The following BRWD1 variants were observed in gnomAD, a reference collection of about 807,000 sequenced individuals.
The protein encoded by BRWD1 is bromodomain and WD repeat-containing protein 1.
Under a neutral mutation model 251.2 loss-of-function variants are expected in BRWD1, and 82 were observed. The ratio of observed to expected loss-of-function variants is 0.33; its 90% CI spans 0.27 to 0.39. The LOEUF is 0.39. BRWD1 is among the 10% of genes least tolerant of loss of function. The pLI is 1.00. For synonymous variants in BRWD1, 918 were observed against 902.8 expected, an observed-to-expected ratio of 1.02 and a Z score of -0.30; for missense variants, 2,233 against 2,711.6, an observed-to-expected ratio of 0.82 and a Z score of 3.92.
chr21:39,207,487 C>CACACACACACACACACACAA (rs1453453078), intron 36 of BRWD1, among the ~76,000 whole-genome samples: 2 of 146,492 alleles, frequency 1.4e-5, no homozygotes, highest in Non-Finnish European at 3.0e-5. Context: ...CACACACAAA[C>CACACACACACACACACACAA]AAAACTCCAA....
chr21:39,289,567 G>A (rs1383285429), intron 8 of BRWD1, among the ~76,000 whole-genome samples: 2 of 151,746 alleles, frequency 1.3e-5, no homozygotes, highest in East Asian at 3.9e-4. Context: ...CTTTAATGTT[G>A]TTCCATTGCT....
intron 9 of BRWD1, among the ~76,000 whole-genome samples, chr21:39,279,587 C>T (rs1343526570): frequency 2.2e-5 from 3 of 137,586 alleles, no homozygotes; most frequent in Non-Finnish European, 4.5e-5. Context: ...TGCAGTGAGC[C>T]GAGATCACGC....
At chr21:39,229,691 C>T (rs900654587) in intron 25 of BRWD1, among the ~76,000 whole-genome samples, 6 of 152,106 alleles carry the variant, frequency 3.9e-5, no homozygotes, top group African/African-American at 7.2e-5. Context: ...CTCGGATTAG[C>T]GCAATATCTA....
chr21:39,233,545 AC>A (rs966471822), intron 23 of BRWD1, among the ~76,000 whole-genome samples: 4 of 152,128 alleles, frequency 2.6e-5, no homozygotes, highest in African/African-American at 9.7e-5. Flanking sequence ...ACACACACAC[AC>A]AAAAAAAAAG....
intron 23 of BRWD1, among the ~76,000 whole-genome samples, chr21:39,233,911 T>C (rs1461385863): frequency 6.6e-6 from 1 of 152,012 alleles, no homozygotes; most frequent in African/African-American, 2.4e-5. Context: ...TCCCAGCTAC[T>C]TGGGAGGCTG....
Position 39,199,082 on chromosome 21 carries a change from A to C in BRWD1, c.5334T>G (p.Ser1778=). 1 of 1,614,142 alleles carries C rather than the reference A, an allele frequency of 6.2e-7. No individual in the cohort carries two copies. Among genetic ancestry groups the C allele is most frequent in the Non-Finnish European group, 8.5e-7 (1 of 1,180,032 alleles). The change falls in exon 40 of 41, where the codon TCT becomes TCG. Residue 1778 remains serine, a synonymous_variant. Transcript: ENST00000342449. The part of the protein sequence containing the change: ...ACNRTAGPST[S]VQKLKAESIS... ...TGCTCTCTGCCTTAAGTTTCTGCAC[A>C]GACGTTGATGGGCCAGCAGTTCTGT... is the stretch of plus-strand genomic sequence containing the variant.
chr21:39,310,986 CAG>C (rs2036462928), intron 4 of BRWD1, among the ~76,000 whole-genome samples: 1 of 151,818 alleles, frequency 6.6e-6, no homozygotes, highest in South Asian at 2.1e-4. Flanking sequence ...GACTGGAGGG[CAG>C]AGAGGAAGGT....
rs1568852406 is a variant in BRWD1 at position 39,196,708 on chromosome 21, T to C, written c.6361A>G (p.Thr2121Ala). The change falls in exon 41 of 41, where the codon ACA (threonine) becomes GCA (alanine). Residue 2121 changes from threonine to alanine, a missense_variant. This residue lies in a region of BRWD1 where 928 missense variants were observed against 970.0 expected (regional missense o/e 0.96). Coordinates refer to ENST00000342449, the MANE Select transcript of BRWD1 (RefSeq NM_033656.4). The stretch of plus-strand genomic sequence containing the variant: ...TTCCTTTTTACTTCCTTCTCTGCTG[T>C]TTCCTGTGAATCATGAATCACTTTT... Reference protein sequence around the residue: ...KTKVIHDSQETAEKEVKRKRS... With the variant: ...KTKVIHDSQEAAEKEVKRKRS... The C allele has an allele frequency of 1.2e-6, 2 of 1,613,970 alleles. No homozygotes were observed. The highest frequency in any genetic ancestry group is 8.5e-7 in the Non-Finnish European group (1 of 1,179,900).
chr21:39,217,029 A>ATATAAATATATATATATATT (rs2032937228), intron 31 of BRWD1: 1 of 20,572 alleles, frequency 4.9e-5, no homozygotes, highest in Non-Finnish European at 9.9e-5. Flanking sequence ...ATATATATAT[A>ATATAAATATATATATATATT]TATATAAATA....
In BRWD1 at chr21:39,189,210, T is replaced by C; in HGVS notation, c.*7049A>G. On this transcript the variant is annotated 3_prime_UTR_variant, in exon 41 of 41. Coordinates refer to ENST00000342449, the MANE Select transcript of BRWD1 (RefSeq NM_033656.4). Reference sequence around the variant, plus strand: ...TTTGCACTTTATAGTAGGATGAGAATATACTATTATCAACTAGCTGCACCA... The same window carrying C: ...TTTGCACTTTATAGTAGGATGAGAACATACTATTATCAACTAGCTGCACCA... The C allele has an allele frequency of 3.0e-6, 3 of 985,210 alleles. No homozygotes were observed. Among genetic ancestry groups the C allele is most frequent in the Non-Finnish European group, 3.6e-6 (3 of 829,724 alleles). 61.0% of individuals were successfully genotyped at this position (985,210 alleles called of 1,614,324 possible).
In BRWD1 at chr21:39,187,080, A is replaced by G. The variant is rs374996377; in HGVS notation, c.*9179T>C. On this transcript the variant is annotated 3_prime_UTR_variant, in exon 41 of 41. Coordinates refer to ENST00000342449, the MANE Select transcript of BRWD1 (RefSeq NM_033656.4). ...ACCCCCTTAAAAAAAGCATTTTTCT[A>G]TTAATATCTTCTAGCTCTTTTTCAC... 6.3e-7 allele frequency: 1 copy of G among 1,595,894 alleles called. No homozygotes were observed. The highest frequency in any genetic ancestry group is 8.5e-7 in the Non-Finnish European group (1 of 1,175,322).
intron 19 of BRWD1, among the ~76,000 whole-genome samples, chr21:39,252,435 T>C (rs957920207): frequency 3.9e-5 from 6 of 152,112 alleles, no homozygotes; most frequent in African/African-American, 7.2e-5. Context: ...ATTTTTCACA[T>C]TGGACACAAA....
In BRWD1 at chr21:39,236,620, T is replaced by C; in HGVS notation, c.2741A>G (p.Lys914Arg). The C allele has an allele frequency of 6.2e-7, 1 of 1,608,772 alleles. No homozygotes were observed. The highest frequency in any genetic ancestry group is 8.5e-7 in the Non-Finnish European group (1 of 1,177,606). Residue 914 changes from lysine to arginine, a missense_variant, in exon 23 of 41, where the codon AAG becomes AGG. Lys to Arg is a conservative substitution (Grantham distance 26). Transcript: ENST00000342449. ...LSPPKRRRKR[K>R]KENKPKKENL... ...CTCCTTCTTAGGCTTATTTTCTTTC[T>C]TTCTCTTTCGTCTTCTTTTTGGAGG...
chr21:39,219,838 A>C (rs375071890), intron 29 of BRWD1: 2 of 152,222 alleles, frequency 1.3e-5, no homozygotes, highest in East Asian at 1.9e-4. Flanking sequence ...GTTCTTGCAA[A>C]AAGAAAAAGG....
chr21:39,232,098 G>A (rs1332042628), intron 25 of BRWD1, 79 bp downstream of exon 25: 14 of 1,127,192 alleles, frequency 1.2e-5, no homozygotes, highest in Non-Finnish European at 1.7e-5. Flanking sequence ...GTTTCCAACA[G>A]GTTTTTAAAT....
In BRWD1 at chr21:39,228,504, C is replaced by T. The variant is rs1468299633; in HGVS notation, c.3204G>A (p.Gln1068=). The T allele has an allele frequency of 1.2e-6, 2 of 1,609,098 alleles. No homozygotes were observed. Among genetic ancestry groups the T allele is most frequent in the Admixed American group, 1.7e-5 (1 of 59,950 alleles). The change falls in exon 27 of 41, where the codon CAG becomes CAA. Residue 1068 remains glutamine (Q), a synonymous_variant. Coordinates refer to ENST00000342449, the MANE Select transcript of BRWD1 (RefSeq NM_033656.4). ...ACTTAGTAAGGATAGACTTACAAGA[C>T]TGCCAATTCCTCTGTCTTGCTTCAT... is the stretch of plus-strand genomic sequence containing the variant. ...FYDEARQRNW[Q]SCDRFRSIID...
At chr21:39,314,204 G>C (rs1002523490), upstream of BRWD1, 1 of 455,822 alleles carries the variant, frequency 2.2e-6, no homozygotes, top group Non-Finnish European at 4.4e-6. Flanking sequence ...AGAGGGGAAC[G>C]CCGCCCGGAC....
intron 27 of BRWD1, among the ~76,000 whole-genome samples, 161 bp downstream of exon 27, chr21:39,228,339 G>A (rs1006347851): frequency 6.6e-6 from 1 of 151,992 alleles, no homozygotes; most frequent in Non-Finnish European, 1.5e-5. Flanking sequence ...TAATCAGTAA[G>A]TACCAAGCCG....
intron 13 of BRWD1, among the ~76,000 whole-genome samples, chr21:39,271,236 G>A (rs1442164464): frequency 6.6e-6 from 1 of 152,140 alleles, no homozygotes; most frequent in African/African-American, 2.4e-5. Flanking sequence ...AGTCTGCAGT[G>A]AACCAAGACC....
Sources: allele counts gnomAD v4.1 joint callset (sites outside exome capture counted in the v4.1 genomes callset), GRCh38; gene constraint gnomAD v4.1.1; regional missense constraint gnomAD v4.1.1; transcripts MANE v1.5; gene names NCBI Gene and HGNC (gene_info 2026-07-23, HGNC 2026-07-21).